Variants in DSCAML1 observed in about 807,000 individuals in gnomAD.
DSCAML1 encodes cell adhesion molecule DSCAML1.
DSCAML1 carries 38 observed loss-of-function variants against 200.5 expected under a neutral mutation model. That is an observed-to-expected ratio of 0.19 (90% CI 0.15 to 0.25). DSCAML1 has a LOEUF of 0.25. Ranked by LOEUF, DSCAML1 falls within the 10% of genes least tolerant of loss-of-function variation. The pLI is 1.00. For synonymous variants in DSCAML1, 1,215 were observed against 1,165.0 expected, an observed-to-expected ratio of 1.04 and a Z score of -0.87; for missense variants, 2,223 against 2,858.8, an observed-to-expected ratio of 0.78 and a Z score of 5.07.
intron 3 of DSCAML1, among the ~76,000 whole-genome samples, chr11:117,700,768 C>T (rs1380238086): frequency 6.6e-6 from 1 of 152,198 alleles, no homozygotes. Context: ...GGGGTAGAAG[C>T]TGTAATGTGA....
chr11:117,645,453 T>C (rs2052503225), intron 3 of DSCAML1, among the ~76,000 whole-genome samples: 1 of 152,098 alleles, frequency 6.6e-6, no homozygotes, highest in African/African-American at 2.4e-5. Flanking sequence ...TTCTTTATTA[T>C]GAAATATTTC....
rs2055212395 is a variant in DSCAML1 at position 117,780,222 on chromosome 11, A to AG, written c.364+270dup. Among the ~76,000 whole-genome samples the AG allele has an allele frequency of 2.6e-5, 2 of 75,846 alleles. No individual in the cohort carries two copies. The highest frequency in any genetic ancestry group is 4.6e-5 in the African/African-American group (1 of 21,822). 49.8% of individuals were successfully genotyped at this position (75,846 alleles called of 152,430 possible). The stretch of plus-strand genomic sequence containing the variant: ...AAGAGAAAGAAAGAGAGAGAGAGAA[A>AG]GAAAGAAAGGAAAGAAAGAAAGAAA... On this transcript the variant is annotated intron_variant, in intron 2 of 32. Coordinates refer to ENST00000651296, the MANE Select transcript of DSCAML1 (RefSeq NM_020693.4). The surrounding 1 kb of genome is among the most constrained non-coding windows in gnomAD (Gnocchi z 4.8).
At chr11:117,495,403 C>T (rs2049271715) in intron 11 of DSCAML1, among the ~76,000 whole-genome samples, 2 of 152,148 alleles carry the variant, frequency 1.3e-5, no homozygotes, top group African/African-American at 2.4e-5. Flanking sequence ...AATCCTGCCA[C>T]GTCTAGAGTC....
At chr11:117,472,469 C>G (rs114938531) in intron 14 of DSCAML1, among the ~76,000 whole-genome samples, 1 of 152,204 alleles carries the variant, frequency 6.6e-6, no homozygotes, top group Non-Finnish European at 1.5e-5. Flanking sequence ...GTCTCCTCTC[C>G]TTTTCTCCTC....
intron 3 of DSCAML1, among the ~76,000 whole-genome samples, chr11:117,613,863 G>A (rs1434045298): frequency 1.3e-5 from 2 of 152,146 alleles, no homozygotes; most frequent in African/African-American, 4.8e-5. Context: ...GGTCTTGGCT[G>A]CAAGCAGCCT....
At chr11:117,759,459 C>T (rs535151062) in intron 3 of DSCAML1, among the ~76,000 whole-genome samples, 3 of 152,290 alleles carry the variant, frequency 2.0e-5, no homozygotes, top group East Asian at 3.9e-4. Flanking sequence ...AGGGGGGCCT[C>T]GTCCCCAGGG....
intron 3 of DSCAML1, among the ~76,000 whole-genome samples, chr11:117,745,276 C>G (rs1239118177): frequency 1.3e-5 from 2 of 152,024 alleles, no homozygotes; most frequent in Non-Finnish European, 1.5e-5. Context: ...CACTTAAGGT[C>G]AGTGTACTTT....
chr11:117,599,428 C>T (rs553786395), intron 3 of DSCAML1, among the ~76,000 whole-genome samples: 3 of 152,166 alleles, frequency 2.0e-5, no homozygotes, highest in South Asian at 2.1e-4. Context: ...ATAGACACTT[C>T]GAAATCTTCT....
intron 3 of DSCAML1, among the ~76,000 whole-genome samples, chr11:117,757,328 A>C (rs1257111401): frequency 6.6e-6 from 1 of 152,166 alleles, no homozygotes; most frequent in Non-Finnish European, 1.5e-5. Flanking sequence ...TAATCATGAC[A>C]ATCACTAATA....
chr11:117,461,410 C>G, intron 18 of DSCAML1, 40 bp downstream of exon 18: 2 of 1,613,624 alleles, frequency 1.2e-6, no homozygotes, highest in Non-Finnish European at 1.7e-6. Context: ...TGACCTGCGC[C>G]TCTCCCCTGA....
At position 117,431,549 on chromosome 11, in the gene DSCAML1, G is replaced by T. The variant is rs760171496; in HGVS notation, c.5359C>A (p.Leu1787Met). Residue 1787 changes from leucine to methionine, a missense_variant, in exon 31 of 33, where the codon CTG becomes ATG. By Grantham distance (15) the Leu-to-Met change is conservative. Coordinates refer to ENST00000651296, the MANE Select transcript of DSCAML1 (RefSeq NM_020693.4). ...VTESDSYSAS[L>M]SQDTDKGRNS... Reference sequence around the variant, plus strand: ...TTAGGCACACCTGTGTCCTGGGACAGGCTGGCACTGTAGCTGTCACTCTCA... The same window carrying T: ...TTAGGCACACCTGTGTCCTGGGACATGCTGGCACTGTAGCTGTCACTCTCA... 6.3e-7 allele frequency: 1 copy of T among 1,591,580 alleles called. No homozygotes were observed. The highest frequency in any genetic ancestry group is 8.6e-7 in the Non-Finnish European group (1 of 1,167,666).
chr11:117,487,758 A>G (rs1184831604), intron 11 of DSCAML1, among the ~76,000 whole-genome samples: 1 of 152,226 alleles, frequency 6.6e-6, no homozygotes, highest in Non-Finnish European at 1.5e-5. Context: ...ACTGGGAATT[A>G]GTAACCCAGG....
chr11:117,454,345 C>T (rs1439241629), intron 19 of DSCAML1, among the ~76,000 whole-genome samples: 1 of 152,178 alleles, frequency 6.6e-6, no homozygotes, highest in Non-Finnish European at 1.5e-5. Flanking sequence ...TTTTAATTTT[C>T]CATCTATTTG....
intron 5 of DSCAML1, among the ~76,000 whole-genome samples, 162 bp from the exon 6 acceptor site, chr11:117,521,567 T>C (rs2049888202): frequency 6.6e-6 from 1 of 152,178 alleles, no homozygotes; most frequent in East Asian, 1.9e-4. Flanking sequence ...AATTCCTTAC[T>C]CTAGTCCTCA....
chr11:117,433,333 A>AT, intron 28 of DSCAML1, 77 bp from the exon 29 acceptor site: 1 of 1,570,362 alleles, frequency 6.4e-7, no homozygotes, highest in East Asian at 2.2e-5. Flanking sequence ...GGACAGTGGG[A>AT]TTTTAGAAGC....
chr11:117,709,235 G>C (rs2053802541), intron 3 of DSCAML1, among the ~76,000 whole-genome samples: 1 of 152,218 alleles, frequency 6.6e-6, no homozygotes. Flanking sequence ...AGGCTTGGTG[G>C]CTTAAGCAAC....
intron 3 of DSCAML1, among the ~76,000 whole-genome samples, chr11:117,620,866 G>A (rs1442134130): frequency 6.6e-6 from 1 of 152,164 alleles, no homozygotes; most frequent in Non-Finnish European, 1.5e-5. Context: ...GGTGCAAAAT[G>A]GGTACAATAA....
chr11:117,506,513 C>A (rs1308981393), intron 8 of DSCAML1, among the ~76,000 whole-genome samples: 1 of 151,596 alleles, frequency 6.6e-6, no homozygotes, highest in Non-Finnish European at 1.5e-5. Flanking sequence ...TCCAAGAAAG[C>A]CCCAGACATG....
rs1458631741 is a variant in DSCAML1 at position 117,464,958 on chromosome 11, G to A, written c.3249C>T (p.Ala1083=). The A allele has an allele frequency of 6.2e-7, 1 of 1,613,900 alleles. No homozygotes were observed. Among genetic ancestry groups the A allele is most frequent in the East Asian group, 2.2e-5 (1 of 44,866 alleles). Residue 1083 remains alanine (A), a synonymous_variant, in exon 17 of 33, where the codon GCC becomes GCT. Coordinates refer to ENST00000651296, the MANE Select transcript of DSCAML1 (RefSeq NM_020693.4). ...GTGPSSSEIN[A]TTLEDVPSQP... ...GGCCCTCACCATCCTCCAGAGTGGT[G>A]GCATTGATCTCGCTGGAAGAGGGCC...
Sources: gnomAD v4.1 joint callset for allele counts (sites outside exome capture counted in the v4.1 genomes callset) on GRCh38, gnomAD v4.1.1 for gene constraint, Gnocchi (gnomAD v3.1) non-coding constraint, MANE v1.5 for transcripts, NCBI Gene and HGNC (gene_info 2026-07-23, HGNC 2026-07-21) for gene names.